Variants in ANKS1B observed in about 807,000 individuals in gnomAD.
ANKS1B encodes the protein ankyrin repeat and sterile alpha motif domain containing 1B.
A neutral mutation model predicts 148.3 loss-of-function variants in ANKS1B; 36 were observed. The ratio of observed to expected loss-of-function variants is 0.24; its 90% CI spans 0.19 to 0.32. ANKS1B has a LOEUF of 0.32. ANKS1B is among the 10% of genes least tolerant of loss of function. ANKS1B has a pLI of 1.00. For synonymous variants in ANKS1B, 542 were observed against 560.8 expected (o/e 0.97, Z 0.47); for missense variants, 1,157 against 1,542.6 (o/e 0.75, Z 4.19).
rs187228905 is a variant in ANKS1B at position 99,211,146 on chromosome 12, G to A, written c.2419+33196C>T. ...AGAATGGTGGTAACTTAGGGCTAAT[G>A]CCCCTGGGGGAGCATGACCAAAAGG... On this transcript the variant is annotated intron_variant, in intron 14 of 26. Transcript: ENST00000683438. Among the ~76,000 whole-genome samples the A allele has an allele frequency of 4.6e-3, 694 of 152,308 alleles. 21 individuals are homozygous for A. Among genetic ancestry groups the A allele is most frequent in the Non-Finnish European group, 1.8e-3 (123 of 68,022 alleles).
intron 19 of ANKS1B, among the ~76,000 whole-genome samples, chr12:98,822,406 T>C (rs1037551189): frequency 6.6e-6 from 1 of 152,134 alleles, no homozygotes; most frequent in African/African-American, 2.4e-5. Context: ...ACCCAAGAAC[T>C]GGACTGCATG....
At chr12:99,655,484 T>G (rs2098445662) in intron 8 of ANKS1B, among the ~76,000 whole-genome samples, 1 of 152,146 alleles carries the variant, frequency 6.6e-6, no homozygotes, top group Admixed American at 6.6e-5. Flanking sequence ...AATAAAATAT[T>G]TGAATAGCAA....
chr12:99,189,324 T>G (rs1347639593), intron 14 of ANKS1B, among the ~76,000 whole-genome samples: 1 of 152,100 alleles, frequency 6.6e-6, no homozygotes, highest in Admixed American at 6.6e-5. Context: ...AAAGAGGGAC[T>G]CCACCCTAAC....
intron 14 of ANKS1B, among the ~76,000 whole-genome samples, chr12:99,237,922 C>A (rs2088333649): frequency 6.6e-6 from 1 of 152,164 alleles, no homozygotes; most frequent in South Asian, 2.1e-4. Context: ...AGAAAAACTT[C>A]ACTGGTGTCC....
intron 10 of ANKS1B, among the ~76,000 whole-genome samples, chr12:99,479,756 G>A (rs762674034): frequency 1.6e-4 from 25 of 151,888 alleles, no homozygotes; most frequent in Non-Finnish European, 3.7e-4. Flanking sequence ...CAGAATGTTA[G>A]TCGAAAGGAG....
intron 14 of ANKS1B, among the ~76,000 whole-genome samples, chr12:99,188,248 A>G (rs1273465031): frequency 6.6e-6 from 1 of 152,192 alleles, no homozygotes; most frequent in East Asian, 1.9e-4. Flanking sequence ...TAATAGTGGG[A>G]GACTTTAACA....
At position 99,429,790 on chromosome 12, in the gene ANKS1B, T is replaced by C. The variant is rs1021901016; in HGVS notation, c.1575+13883A>G. On this transcript the variant is annotated intron_variant, in intron 11 of 26. Transcript: ENST00000683438. ...CATCCTGGCTAACACGGTGAAACCC[T>C]GTCTCTACTAAAAAATACAAAAAAT... Among the ~76,000 whole-genome samples the C allele has an allele frequency of 2.6e-4, 40 of 151,856 alleles. No individual in the cohort carries two copies. In the East Asian group the frequency reaches 7.4e-3, roughly 28 times the overall value.
At chr12:99,036,832 G>C (rs1322773844) in intron 17 of ANKS1B, among the ~76,000 whole-genome samples, 1 of 152,152 alleles carries the variant, frequency 6.6e-6, no homozygotes, top group Non-Finnish European at 1.5e-5. Flanking sequence ...ACATGCCAAG[G>C]AACTCAACAA....
chr12:99,030,983 A>G (rs2099951759), intron 17 of ANKS1B, among the ~76,000 whole-genome samples: 1 of 152,242 alleles, frequency 6.6e-6, no homozygotes, highest in African/African-American at 2.4e-5. Flanking sequence ...AGAAGAGCAC[A>G]GACTCAGTCA....
chr12:99,294,996 G>A (rs1438292270), intron 12 of ANKS1B, among the ~76,000 whole-genome samples: 1 of 152,196 alleles, frequency 6.6e-6, no homozygotes, highest in African/African-American at 2.4e-5. Context: ...TGCTTGAGGG[G>A]ATAGATAGCC....
chr12:99,049,557 C>G (rs1221678907), intron 17 of ANKS1B, among the ~76,000 whole-genome samples: 1 of 152,086 alleles, frequency 6.6e-6, no homozygotes, highest in African/African-American at 2.4e-5. Context: ...TTGAAAATCT[C>G]TTAGCACATC....
At chr12:99,552,041 A>G (rs1293888210) in intron 9 of ANKS1B, among the ~76,000 whole-genome samples, 1 of 152,128 alleles carries the variant, frequency 6.6e-6, no homozygotes, top group Non-Finnish European at 1.5e-5. Context: ...CTATGTACCA[A>G]GAACACTGTT....
chr12:99,578,471 C>A (rs1356100481), intron 9 of ANKS1B, among the ~76,000 whole-genome samples: 2 of 152,084 alleles, frequency 1.3e-5, no homozygotes, highest in African/African-American at 2.4e-5. Context: ...AGTCTCTGCC[C>A]AAAAGCTCCT....
intron 12 of ANKS1B, among the ~76,000 whole-genome samples, chr12:99,397,587 C>T (rs894329400): frequency 3.9e-5 from 6 of 152,108 alleles, no homozygotes; most frequent in African/African-American, 1.2e-4. Context: ...AACTCTAGTA[C>T]CAGGTTTGAG....
chr12:98,743,001 A>T (rs1042512818), downstream of ANKS1B, among the ~76,000 whole-genome samples: 2 of 152,116 alleles, frequency 1.3e-5, no homozygotes, highest in African/African-American at 4.8e-5. Context: ...TTAGAAAGTT[A>T]TTTTTTTTAA....
At chr12:99,115,897 ACTCCAG>A (rs1218537560) in intron 15 of ANKS1B, among the ~76,000 whole-genome samples, 2 of 144,198 alleles carry the variant, frequency 1.4e-5, no homozygotes, top group African/African-American at 2.6e-5. Flanking sequence ...GCACCATTGC[ACTCCAG>A]CCTAGGCAAC....
At chr12:99,926,979 G>A (rs1039541613) in intron 1 of ANKS1B, among the ~76,000 whole-genome samples, 1 of 152,148 alleles carries the variant, frequency 6.6e-6, no homozygotes, top group Non-Finnish European at 1.5e-5. Flanking sequence ...GATTACAGTT[G>A]TTTGGCTGGA....
chr12:98,923,504 G>T (rs528583132), intron 17 of ANKS1B, among the ~76,000 whole-genome samples: 1 of 152,146 alleles, frequency 6.6e-6, no homozygotes, highest in East Asian at 1.9e-4. Flanking sequence ...TGATGAACCC[G>T]AAGTTCCCTG....
At chr12:98,907,499 G>A (rs1206078218) in intron 17 of ANKS1B, among the ~76,000 whole-genome samples, 1 of 152,152 alleles carries the variant, frequency 6.6e-6, no homozygotes, top group Non-Finnish European at 1.5e-5. Context: ...CAATCAGGTG[G>A]CACTGGCAGG....
Sources: allele counts gnomAD v4.1 joint callset (sites outside exome capture counted in the v4.1 genomes callset), GRCh38; gene constraint gnomAD v4.1.1; transcripts MANE v1.5; gene names NCBI Gene and HGNC (gene_info 2026-07-23, HGNC 2026-07-21).